The following GALK2 variants were observed in gnomAD, a reference collection of about 807,000 sequenced individuals.
GALK2 encodes galactokinase 2.
A neutral mutation model predicts 52.4 loss-of-function variants in GALK2; 36 were observed. The observed-to-expected ratio is 0.69, with a 90% confidence interval of 0.53 to 0.91. GALK2 has a LOEUF of 0.91. Among genes scored for constraint, GALK2 ranks in the 40% least tolerant of loss-of-function variants. The pLI is 0.00. For synonymous variants in GALK2, 176 were observed against 199.1 expected (o/e 0.88, Z 0.98); for missense variants, 579 against 559.1 (o/e 1.04, Z -0.36).
chr15:49,158,034 G>C (rs1193412053), intron 1 of GALK2, among the ~76,000 whole-genome samples: 1 of 152,134 alleles, frequency 6.6e-6, no homozygotes, highest in Non-Finnish European at 1.5e-5. Context: ...CGCCTGGGGA[G>C]AATATATGAC....
chr15:49,217,130 C>A, intron 2 of GALK2, 60 bp from the exon 3 acceptor site: 1 of 1,482,822 alleles, frequency 6.7e-7, no homozygotes, highest in Admixed American at 1.9e-5. Context: ...TGTAAACTTT[C>A]TTGAGGTGCT....
intron 5 of GALK2, among the ~76,000 whole-genome samples, chr15:49,268,495 G>T (rs976638156): frequency 6.6e-6 from 1 of 152,234 alleles, no homozygotes; most frequent in Non-Finnish European, 1.5e-5. Flanking sequence ...ACTGAAAGAT[G>T]TGGATAGAAA....
At chr15:49,224,598 G>A (rs966429614) in intron 3 of GALK2, among the ~76,000 whole-genome samples, 2 of 152,130 alleles carry the variant, frequency 1.3e-5, no homozygotes, top group Non-Finnish European at 2.9e-5. Flanking sequence ...TTCCTTCATT[G>A]CTTGTTTTTG....
chr15:49,236,578 TA>T (rs1433780666), intron 4 of GALK2, among the ~76,000 whole-genome samples: 2 of 151,996 alleles, frequency 1.3e-5, no homozygotes, highest in African/African-American at 4.8e-5. Flanking sequence ...AACAAGAAAA[TA>T]AAATGTTTTC....
chr15:49,186,969 C>T (rs2086396665), intron 1 of GALK2, among the ~76,000 whole-genome samples: 1 of 152,180 alleles, frequency 6.6e-6, no homozygotes, highest in African/African-American at 2.4e-5. Flanking sequence ...GTCATATTTT[C>T]CTTGATGGTC....
intron 1 of GALK2, chr15:49,193,764 G>C (rs748531831): frequency 1.1e-4 from 17 of 148,484 alleles, no homozygotes; most frequent in African/African-American, 4.2e-4. Context: ...GTCTCATTCT[G>C]TTGCCCAGGC....
At chr15:49,185,889 A>G (rs1881841218) in intron 1 of GALK2, among the ~76,000 whole-genome samples, 1 of 152,158 alleles carries the variant, frequency 6.6e-6, no homozygotes, top group Non-Finnish European at 1.5e-5. Flanking sequence ...ATTCTAGGGT[A>G]AACATTTTTT....
chr15:49,180,908 T>G (rs556517509), intron 1 of GALK2, among the ~76,000 whole-genome samples: 1 of 152,324 alleles, frequency 6.6e-6, no homozygotes, highest in East Asian at 1.9e-4. Flanking sequence ...TAGCAGGGAC[T>G]AAATGATGTT....
At chr15:49,204,094 A>G (rs1236557106) in intron 2 of GALK2, among the ~76,000 whole-genome samples, 1 of 141,402 alleles carries the variant, frequency 7.1e-6, no homozygotes, top group Non-Finnish European at 1.5e-5. Context: ...CTCCAGCAGG[A>G]TTCTGTCTCA....
chr15:49,283,359 G>A (rs1170600951), intron 6 of GALK2, among the ~76,000 whole-genome samples: 1 of 152,166 alleles, frequency 6.6e-6, no homozygotes, highest in Non-Finnish European at 1.5e-5. Context: ...TTTCCCACTT[G>A]ATTGCGGGCT....
intron 5 of GALK2, among the ~76,000 whole-genome samples, chr15:49,280,275 C>G (rs532497306): frequency 6.6e-6 from 1 of 152,230 alleles, no homozygotes; most frequent in East Asian, 1.9e-4. Flanking sequence ...ACAGGGAGTG[C>G]TGAGGAGGAG....
rs780565014 is a variant in GALK2 at position 49,170,273 on chromosome 15, G to A, written c.-50G>A. ...CAGAAGTCTCGTGATTGCTCTGGGA[G>A]CTTTGCTTAGACACTTGAAACTACA... is the stretch of plus-strand genomic sequence containing the variant. On this transcript the variant is annotated 5_prime_UTR_variant, in exon 1 of 10. Transcript: ENST00000560031. The A allele has an allele frequency of 5.1e-6, 8 of 1,556,502 alleles. No individual in the cohort carries two copies. The highest frequency in any genetic ancestry group is 7.0e-6 in the Non-Finnish European group (8 of 1,149,678).
upstream of GALK2, among the ~76,000 whole-genome samples, chr15:49,165,890 C>T (rs1333219472): frequency 1.3e-5 from 2 of 151,488 alleles, no homozygotes; most frequent in Non-Finnish European, 2.9e-5. Context: ...GCAAGCTCCG[C>T]CTCCCAGGTT....
At chr15:49,199,505 C>G (rs2087544504) in intron 1 of GALK2, among the ~76,000 whole-genome samples, 2 of 152,176 alleles carry the variant, frequency 1.3e-5, no homozygotes, top group East Asian at 3.8e-4. Flanking sequence ...TTCTCATCCA[C>G]AGCCTCTGCT....
At chr15:49,350,348 G>A (rs2042062344) in intron 3 of GALK2, among the ~76,000 whole-genome samples, 1 of 152,152 alleles carries the variant, frequency 6.6e-6, no homozygotes, top group African/African-American at 2.4e-5. Flanking sequence ...TGCAGGTCTA[G>A]AATGATGACA....
intron 5 of GALK2, among the ~76,000 whole-genome samples, chr15:49,270,765 G>A (rs890555126): frequency 3.3e-5 from 5 of 152,122 alleles, no homozygotes; most frequent in Admixed American, 3.3e-4. Context: ...TTTCTCTTTC[G>A]TTTGCATCTA....
intron 3 of GALK2, among the ~76,000 whole-genome samples, chr15:49,219,820 G>T (rs547651839): frequency 8.5e-5 from 13 of 152,076 alleles, no homozygotes; most frequent in South Asian, 8.3e-4. Flanking sequence ...CAAAAAAAAA[G>T]ATATTTTCTG....
chr15:49,164,971 A>G (rs78779553), intron 1 of GALK2, among the ~76,000 whole-genome samples: 10,271 of 152,096 alleles, frequency 0.068, 731 homozygotes, highest in African/African-American at 0.17. Flanking sequence ...TACTAGATGC[A>G]GAGTTTGCAT....
intron 6 of GALK2, 152 bp downstream of exon 6, chr15:49,282,237 C>G: frequency 2.0e-6 from 1 of 509,494 alleles, no homozygotes; most frequent in Non-Finnish European, 3.5e-6. Flanking sequence ...CTGCTTGTAA[C>G]TCAAGGCTGC....
Sources: allele counts gnomAD v4.1 joint callset (sites outside exome capture counted in the v4.1 genomes callset), GRCh38; gene constraint gnomAD v4.1.1; transcripts MANE v1.5; gene names NCBI Gene and HGNC (gene_info 2026-07-23, HGNC 2026-07-21).